SPTBN1: variants seen among roughly 807,000 people sequenced by gnomAD.
The protein encoded by SPTBN1 is spectrin beta chain, non-erythrocytic 1.
Under a neutral mutation model 266.4 loss-of-function variants are expected in SPTBN1, and 32 were observed. That is an observed-to-expected ratio of 0.12 (90% CI 0.09 to 0.16). The LOEUF is 0.16. Ranked by LOEUF, SPTBN1 falls within the 10% of genes least tolerant of loss-of-function variation. The pLI is 1.00. For missense variants in SPTBN1, 2,296 were observed against 3,067.1 expected, an observed-to-expected ratio of 0.75 and a Z score of 5.94; for synonymous variants, 1,336 against 1,162.2, an observed-to-expected ratio of 1.15 and a Z score of -3.04.
At chr2:54,665,699 C>T (rs915208294) in intron 33 of SPTBN1, among the ~76,000 whole-genome samples, 11 of 152,142 alleles carry the variant, frequency 7.2e-5, no homozygotes, top group African/African-American at 1.9e-4. Flanking sequence ...AAACACTTGC[C>T]CTGTGCCCTG....
intron 1 of SPTBN1, chr2:54,515,931 C>T (rs1670089473): frequency 6.6e-6 from 1 of 152,028 alleles, no homozygotes; most frequent in Non-Finnish European, 1.5e-5. Flanking sequence ...TTGCCTCATC[C>T]CCAAAATGAA....
At position 54,526,368 on chromosome 2, in the gene SPTBN1, A is replaced by G. The variant is rs1670814993; in HGVS notation, c.-47-4A>G. 1 of 1,602,072 alleles carries G rather than the reference A, an allele frequency of 6.2e-7. No homozygotes were observed. The highest frequency in any genetic ancestry group is 1.1e-5 in the South Asian group (1 of 89,806). On this transcript the variant is annotated splice_polypyrimidine_tract_variant and splice_region_variant and intron_variant, in intron 1 of 35. Transcript: ENST00000356805. ...CTAAATGTTTTTCCTTTTCTTTCTC[A>G]TAGAACTCTAAGAAGGAGCTGATGT...
chr2:54,570,117 A>T (rs1573437340), intron 2 of SPTBN1, among the ~76,000 whole-genome samples: 1 of 152,172 alleles, frequency 6.6e-6, no homozygotes, highest in East Asian at 1.9e-4. Context: ...AGCATCCAGC[A>T]CTTGGTCAGA....
At chr2:54,520,087 G>T (rs1000653741) in intron 1 of SPTBN1, among the ~76,000 whole-genome samples, 6 of 152,190 alleles carry the variant, frequency 3.9e-5, no homozygotes, top group Non-Finnish European at 7.3e-5. Flanking sequence ...CAGAGAAGTG[G>T]ATGATGTCAC....
chr2:54,516,856 A>C (rs1259228582), intron 1 of SPTBN1, among the ~76,000 whole-genome samples: 1 of 152,250 alleles, frequency 6.6e-6, no homozygotes, highest in Non-Finnish European at 1.5e-5. Flanking sequence ...GACACAGTAC[A>C]TCAATCAGTA....
chr2:54,585,541 G>A (rs1273206023), intron 2 of SPTBN1, among the ~76,000 whole-genome samples: 1 of 152,190 alleles, frequency 6.6e-6, no homozygotes, highest in Admixed American at 6.5e-5. Context: ...TGAGGTTGAG[G>A]AAAGCCACAA....
At chr2:54,472,314 A>G (rs1031638933) in intron 1 of SPTBN1, among the ~76,000 whole-genome samples, 1 of 152,164 alleles carries the variant, frequency 6.6e-6, no homozygotes, top group African/African-American at 2.4e-5. Flanking sequence ...GGCATGAGCC[A>G]CTGCGCCCAG....
chr2:54,543,605 T>G (rs1672063639), intron 2 of SPTBN1, among the ~76,000 whole-genome samples: 1 of 152,126 alleles, frequency 6.6e-6, no homozygotes, highest in Non-Finnish European at 1.5e-5. Flanking sequence ...TTTTTTTTAA[T>G]TAAAAAAATT....
intron 2 of SPTBN1, among the ~76,000 whole-genome samples, chr2:54,543,602 T>A (rs75210432): frequency 0.012 from 1,867 of 152,256 alleles, 26 homozygotes; most frequent in Middle Eastern, 0.041. Context: ...GTTTTTTTTT[T>A]AATTAAAAAA....
chr2:54,637,672 A>G (rs375337608), intron 17 of SPTBN1, 41 bp from the exon 18 acceptor site: 18 of 1,468,602 alleles, frequency 1.2e-5, no homozygotes, highest in African/African-American at 5.6e-5. Flanking sequence ...AAGATTCTCT[A>G]CTTCCTTTTT....
intron 26 of SPTBN1, among the ~76,000 whole-genome samples, chr2:54,652,081 A>G (rs1236483321): frequency 1.3e-5 from 2 of 152,106 alleles, no homozygotes; most frequent in Admixed American, 6.5e-5. Context: ...ATAATCCAGG[A>G]CAGTTGTCTG....
chr2:54,629,955 T>C lies in SPTBN1; in HGVS notation c.2733T>C (p.Ile911=). The part of the protein sequence containing the change: ...QASRVAVVNQ[I]ARQLMHSGHP... ...CCCGGGTTGCAGTGGTGAACCAGAT[T>C]GCACGCCAGCTGATGCACAGCGGCC... is the stretch of plus-strand genomic sequence containing the variant. Residue 911 remains isoleucine, a synonymous_variant, in exon 15 of 36, where the codon ATT becomes ATC. Transcript: ENST00000356805. 1.2e-6 allele frequency: 2 copies of C among 1,614,114 alleles called. No individual in the cohort carries two copies. The highest frequency in any genetic ancestry group is 1.7e-6 in the Non-Finnish European group (2 of 1,180,042).
chr2:54,605,267 C>G (rs1025900946), intron 3 of SPTBN1, among the ~76,000 whole-genome samples: 6 of 152,194 alleles, frequency 3.9e-5, no homozygotes, highest in African/African-American at 1.4e-4. Flanking sequence ...AACCGAGTCC[C>G]TCACTTCCTT....
chr2:54,563,152 A>T (rs184381375), intron 2 of SPTBN1, among the ~76,000 whole-genome samples: 10 of 152,212 alleles, frequency 6.6e-5, no homozygotes, highest in African/African-American at 2.2e-4. Flanking sequence ...TTATATATAT[A>T]TTTTCTTTTA....
chr2:54,570,202 C>T (rs932173991), intron 2 of SPTBN1, among the ~76,000 whole-genome samples: 4 of 152,212 alleles, frequency 2.6e-5, no homozygotes, highest in Admixed American at 1.3e-4. Context: ...TTGAATGCCT[C>T]TACTGTGTTT....
At chr2:54,590,308 T>A (rs1345849093) in intron 2 of SPTBN1, among the ~76,000 whole-genome samples, 1 of 152,232 alleles carries the variant, frequency 6.6e-6, no homozygotes, top group African/African-American at 2.4e-5. Context: ...AGGGCCTGTC[T>A]TTGTGATATG....
At chr2:54,667,510 TG>T in intron 34 of SPTBN1, 93 bp from the exon 35 acceptor site, 1 of 1,212,834 alleles carries the variant, frequency 8.2e-7, no homozygotes, top group South Asian at 1.3e-5. Flanking sequence ...GTGACTCCTG[TG>T]GTCTACTTCT....
chr2:54,629,558 C>G lies in SPTBN1; in HGVS notation c.2424C>G (p.Ser808Arg), dbSNP rs372514291. The G allele has an allele frequency of 1.2e-6, 2 of 1,613,998 alleles. No individual in the cohort carries two copies. The highest frequency in any genetic ancestry group is 1.7e-5 in the Admixed American group (1 of 60,010). Residue 808 changes from serine (S) to arginine (R), a missense_variant, in exon 14 of 36, where the codon AGC (serine) becomes AGG (arginine). Ser to Arg is a moderately radical substitution (Grantham distance 110, BLOSUM62 -1). Transcript: ENST00000356805. ...PTLDTLHEQA[S>R]ALPQEHAESP... The stretch of plus-strand genomic sequence containing the variant: ...TTGACACGCTGCACGAACAAGCCAG[C>G]GCCCTCCCCCAGGAGCATGCCGAGT...
intron 32 of SPTBN1, chr2:54,662,784 GT>G (rs2104236989): frequency 6.6e-6 from 1 of 152,258 alleles, no homozygotes; most frequent in East Asian, 1.9e-4. Context: ...TCCTTTAAAA[GT>G]GAAAAGAGAG....
Sources: gnomAD v4.1 joint callset for allele counts (sites outside exome capture counted in the v4.1 genomes callset) on GRCh38, gnomAD v4.1.1 for gene constraint, MANE v1.5 for transcripts, NCBI Gene and HGNC (gene_info 2026-07-23, HGNC 2026-07-21) for gene names.